The following C1QTNF3 variants were observed in gnomAD, a reference collection of about 807,000 sequenced individuals.
The protein encoded by C1QTNF3 is C1q and TNF related 3, also known as complement C1q tumor necrosis factor-related protein 3.
C1QTNF3 carries 26 observed loss-of-function variants against 32.6 expected under a neutral mutation model. The ratio of observed to expected loss-of-function variants is 0.80; its 90% CI spans 0.58 to 1.11. The LOEUF is 1.11. C1QTNF3 is among the 50% of genes least tolerant of loss of function. The pLI, the probability that C1QTNF3 is intolerant of heterozygous loss-of-function variation, is 0.00. For missense variants in C1QTNF3, 362 were observed against 398.2 expected (o/e 0.91, Z 0.77); for synonymous variants, 155 against 146.0 (o/e 1.06, Z -0.44).
chr5:34,061,239 G>A, the C1QTNF3 span, among the ~76,000 whole-genome samples: 3 of 152,202 alleles, frequency 2.0e-5, no homozygotes, highest in Non-Finnish European at 2.9e-5. Context: ...CCATGGTACT[G>A]GGCAGCTTGG....
chr5:34,132,125 G>A, the C1QTNF3 span, among the ~76,000 whole-genome samples: 834 of 152,198 alleles, frequency 5.5e-3, 3 homozygotes, highest in South Asian at 9.1e-3. Flanking sequence ...AGTGGCTCAT[G>A]CCTGTAATCC....
At chr5:34,211,620 G>A in the C1QTNF3 span, among the ~76,000 whole-genome samples, 3 of 140,492 alleles carry the variant, frequency 2.1e-5, no homozygotes, top group Middle Eastern at 4.0e-3. Flanking sequence ...CAATTCCCAC[G>A]TATGAGTGAG....
At chr5:34,165,066 G>C in the C1QTNF3 span, 1 of 152,112 alleles carries the variant, frequency 6.6e-6, no homozygotes, top group Non-Finnish European at 1.5e-5. Flanking sequence ...GCATAGGAAA[G>C]CTCGCTCTCT....
chr5:34,063,672 C>G, the C1QTNF3 span, among the ~76,000 whole-genome samples: 1 of 152,102 alleles, frequency 6.6e-6, no homozygotes, highest in East Asian at 1.9e-4. Flanking sequence ...AGCTGTATAC[C>G]TAAATTGGGA....
At chr5:34,240,693 AAAG>A in the C1QTNF3 span, among the ~76,000 whole-genome samples, 1 of 152,240 alleles carries the variant, frequency 6.6e-6, no homozygotes, top group African/African-American at 2.4e-5. Context: ...CCGGAAGTAT[AAAG>A]AAGAACTACT....
intron 3 of C1QTNF3, 36 bp downstream of exon 3, chr5:34,033,268 G>A: frequency 6.2e-7 from 1 of 1,604,506 alleles, no homozygotes; most frequent in Non-Finnish European, 8.5e-7. Context: ...CAGGCAGGTT[G>A]GAAAGCCACC....
chr5:34,108,428 TG>T, the C1QTNF3 span, among the ~76,000 whole-genome samples: 1 of 152,190 alleles, frequency 6.6e-6, no homozygotes, highest in Non-Finnish European at 1.5e-5. Context: ...CCACCTTAGG[TG>T]TTCTTTTGCC....
chr5:34,056,892 A>G, the C1QTNF3 span, among the ~76,000 whole-genome samples: 1 of 152,152 alleles, frequency 6.6e-6, no homozygotes, highest in Non-Finnish European at 1.5e-5. Flanking sequence ...AGGAAAAATA[A>G]CAAGAAAAAA....
chr5:34,021,562 A>G (rs1754329837), intron 5 of C1QTNF3, among the ~76,000 whole-genome samples: 1 of 152,222 alleles, frequency 6.6e-6, no homozygotes, highest in African/African-American at 2.4e-5. Context: ...TTTCCTTAAG[A>G]CTACTCATTC....
At chr5:34,214,109 T>C in the C1QTNF3 span, among the ~76,000 whole-genome samples, 2 of 151,380 alleles carry the variant, frequency 1.3e-5, no homozygotes, top group Admixed American at 1.3e-4. Context: ...TGTACCCAGT[T>C]TGTCTTTATA....
chr5:34,235,019 A>G, the C1QTNF3 span, among the ~76,000 whole-genome samples: 1 of 152,142 alleles, frequency 6.6e-6, no homozygotes, highest in Non-Finnish European at 1.5e-5. Context: ...GTATAATTCT[A>G]AAGTCTGCCT....
the C1QTNF3 span, among the ~76,000 whole-genome samples, chr5:34,127,185 T>C: frequency 7.3e-4 from 111 of 151,992 alleles, no homozygotes; most frequent in African/African-American, 2.6e-3. Flanking sequence ...ACCGGGAAAG[T>C]GTGGCACTGC....
the C1QTNF3 span, among the ~76,000 whole-genome samples, chr5:34,211,057 G>C: frequency 3.0e-4 from 46 of 150,990 alleles, no homozygotes; most frequent in Admixed American, 1.1e-3. Flanking sequence ...ACTCCCCTAA[G>C]TAATTGACTC....
At chr5:34,232,332 A>G in the C1QTNF3 span, among the ~76,000 whole-genome samples, 14 of 151,926 alleles carry the variant, frequency 9.2e-5, no homozygotes, top group African/African-American at 3.1e-4. Context: ...TAATGCTGGA[A>G]TAAGTTAAGA....
the C1QTNF3 span, among the ~76,000 whole-genome samples, chr5:34,154,105 A>G: frequency 6.6e-6 from 1 of 152,060 alleles, no homozygotes; most frequent in Non-Finnish European, 1.5e-5. Flanking sequence ...GTTGTTTCCT[A>G]TTAAGTATAG....
At chr5:34,047,355 G>A (rs764041968), upstream of C1QTNF3, among the ~76,000 whole-genome samples, 1 of 152,262 alleles carries the variant, frequency 6.6e-6, no homozygotes, top group Non-Finnish European at 1.5e-5. Flanking sequence ...TTGCAAGGCA[G>A]AGGGAAATAT....
At chr5:34,141,127 C>CTT in the C1QTNF3 span, among the ~76,000 whole-genome samples, 1 of 146,256 alleles carries the variant, frequency 6.8e-6, no homozygotes, top group Non-Finnish European at 1.5e-5. Flanking sequence ...ACTCCTTCTT[C>CTT]TTTTTTTTTT....
chr5:34,141,420 G>A, the C1QTNF3 span, among the ~76,000 whole-genome samples: 1 of 151,920 alleles, frequency 6.6e-6, no homozygotes, highest in Non-Finnish European at 1.5e-5. Flanking sequence ...GCCGGGCCCG[G>A]GGTTGGCTCC....
the C1QTNF3 span, among the ~76,000 whole-genome samples, chr5:34,219,380 C>T: frequency 6.6e-6 from 1 of 151,476 alleles, no homozygotes; most frequent in Admixed American, 6.6e-5. Flanking sequence ...TTCCCAAATG[C>T]CTGTTGCAAA....
Sources: allele counts gnomAD v4.1 joint callset (sites outside exome capture counted in the v4.1 genomes callset), GRCh38; gene constraint gnomAD v4.1.1; transcripts MANE v1.5; gene names NCBI Gene and HGNC (gene_info 2026-07-23, HGNC 2026-07-21).